The following KIRREL2 variants were observed in gnomAD, a reference collection of about 807,000 sequenced individuals.
KIRREL2 encodes kirre like nephrin family adhesion molecule 2.
A neutral mutation model predicts 73.4 loss-of-function variants in KIRREL2; 56 were observed. The observed-to-expected ratio is 0.76, with a 90% CI of 0.62 to 0.95. KIRREL2 has a LOEUF of 0.95. Among genes scored for constraint, KIRREL2 ranks in the 40% least tolerant of loss-of-function variants. KIRREL2 has a pLI of 0.00. For missense variants in KIRREL2, 896 were observed against 935.0 expected (o/e 0.96, Z 0.54); for synonymous variants, 407 against 404.0 (o/e 1.01, Z -0.09).
upstream of KIRREL2, among the ~76,000 whole-genome samples, chr19:35,853,966 T>G (rs1973346311): frequency 6.7e-6 from 1 of 149,910 alleles, no homozygotes; most frequent in East Asian, 2.0e-4. Context: ...TGCCTCAGCC[T>G]CCTGAGTAGC....
chr19:35,861,577 C>A lies in KIRREL2; in HGVS notation c.1226C>A (p.Ala409Asp). 6.2e-7 allele frequency: 1 copy of A among 1,613,788 alleles called. No homozygotes were observed. The highest frequency in any genetic ancestry group is 8.5e-7 in the Non-Finnish European group (1 of 1,179,910). ...PVVTALHSAP[A>D]FLRGPARLQC... ...GTGACCGCCCTGCACTCTGCGCCTG[C>A]CTTCCTGAGGGGCCCTGCTCGCCTC... The change falls in exon 10 of 15, where the codon GCC becomes GAC. Residue 409 changes from alanine to aspartate, a missense_variant. Coordinates refer to ENST00000360202, the MANE Select transcript of KIRREL2 (RefSeq NM_199180.4).
intron 5 of KIRREL2, among the ~76,000 whole-genome samples, chr19:35,859,924 A>C (rs1316423821): frequency 6.6e-6 from 1 of 152,188 alleles, no homozygotes; most frequent in Non-Finnish European, 1.5e-5. Context: ...ACACACTTGT[A>C]ATTCCAGCTA....
At position 35,866,889 on chromosome 19, in the gene KIRREL2, G is replaced by A; in HGVS notation, c.*397G>A. 3.7e-6 allele frequency: 1 copy of A among 269,988 alleles called. No individual in the cohort carries two copies. The highest frequency in any genetic ancestry group is 4.9e-5 in the South Asian group (1 of 20,292). The allele number at this position is 269,988 out of a possible 1,614,324, so 16.7% of individuals were successfully genotyped here. A position where few individuals can be genotyped will look rare whatever the true frequency, so the allele number is the denominator to read the frequency against. ...AAGGTAGCATAGGATAGATGAAGAT[G>A]AAGAGCATACCAGGCCCCACCCTGG... On this transcript the variant is annotated 3_prime_UTR_variant, in exon 15 of 15. Coordinates refer to ENST00000360202, the MANE Select transcript of KIRREL2 (RefSeq NM_199180.4).
rs200660489 is a variant in KIRREL2, at chr19:35,862,914, C to G, written c.1616-13C>G. On this transcript the variant is annotated splice_polypyrimidine_tract_variant and intron_variant, in intron 12 of 14. Coordinates refer to ENST00000360202, the MANE Select transcript of KIRREL2 (RefSeq NM_199180.4). ...CCGCCCATCGCTTAACTCCACCGGT[C>G]GCTGTTTGTCAGCCTCAGCCTCTTT... The G allele has an allele frequency of 1.3e-6, 2 of 1,515,304 alleles. No homozygotes were observed. Among genetic ancestry groups the G allele is most frequent in the Non-Finnish European group, 1.8e-6 (2 of 1,112,118 alleles). 93.9% of individuals were successfully genotyped at this position (1,515,304 alleles called of 1,614,324 possible). A position where few individuals can be genotyped will look rare whatever the true frequency, so the allele number is the denominator to read the frequency against.
chr19:35,866,116 G>C, intron 14 of KIRREL2, 41 bp from the exon 15 acceptor site: 1 of 1,575,946 alleles, frequency 6.3e-7, no homozygotes, highest in Non-Finnish European at 8.6e-7. Flanking sequence ...CATCCCCCCT[G>C]CACGCTCACA....
intron 1 of KIRREL2, 26 bp downstream of exon 1, chr19:35,857,206 T>C (rs1568461038): frequency 6.3e-7 from 1 of 1,580,102 alleles, no homozygotes; most frequent in Non-Finnish European, 8.6e-7. Context: ...AGCGGAGGAA[T>C]ATGGGGTGGG....
intron 5 of KIRREL2, 83 bp downstream of exon 5, chr19:35,859,714 G>A: frequency 2.0e-6 from 3 of 1,506,954 alleles, no homozygotes; most frequent in South Asian, 1.2e-5. Flanking sequence ...GGCCCTTGGG[G>A]AATGAGGAAA....
chr19:35,860,314 C>G lies in KIRREL2; in HGVS notation c.691C>G (p.Leu231Val). The change falls in exon 6 of 15, where the codon CTG (leucine) becomes GTG (valine). Residue 231 changes from leucine to valine, a missense_variant. Transcript: ENST00000360202. ...LSLQYPPEVT[L>V]SASPHTVQEG... ...CCTCACAGACCCCCCAGAGGTGACT[C>G]TGTCTGCTTCGCCACACACTGTGCA... 1.6e-5 allele frequency: 26 copies of G among 1,614,072 alleles called. No homozygotes were observed. Among genetic ancestry groups the G allele is most frequent in the Non-Finnish European group, 2.2e-5 (26 of 1,180,010 alleles).
chr19:35,856,243 C>G (rs1256184192), upstream of KIRREL2, among the ~76,000 whole-genome samples: 1 of 152,190 alleles, frequency 6.6e-6, no homozygotes, highest in Non-Finnish European at 1.5e-5. This position sits in a 1 kb window ranked among gnomAD's most constrained non-coding sequence, Gnocchi z 5.9. Context: ...GGCCCGGCAC[C>G]GCCGCCTCCC....
upstream of KIRREL2, chr19:35,851,746 T>G (rs186895051): frequency 1.0e-5 from 16 of 1,557,642 alleles, no homozygotes; most frequent in East Asian, 4.8e-5. Context: ...TGGGGGCCAC[T>G]TGGCGCTGGG....
upstream of KIRREL2, chr19:35,851,840 C>T (rs1039683723): frequency 6.7e-5 from 104 of 1,551,020 alleles, no homozygotes; most frequent in Non-Finnish European, 8.8e-5. Context: ...AGGGCCATCA[C>T]AGGTCCCCCT....
intron 3 of KIRREL2, 61 bp from the exon 4 acceptor site, chr19:35,858,643 G>A (rs1350948342): frequency 3.1e-6 from 5 of 1,608,520 alleles, no homozygotes; most frequent in Admixed American, 3.3e-5. Context: ...GAGCCCAGGG[G>A]CATGGTCAAT....
rs1286538784 is a variant in KIRREL2, at chr19:35,858,334, G to T, written c.212-74G>T. ...TGTGTGGGCCAGTTTTCTGGTGGAG[G>T]ATGTCTGGGGATGGAGGCCTGAGGC... On this transcript the variant is annotated intron_variant, in intron 2 of 14. Transcript: ENST00000360202. The T allele has an allele frequency of 4.5e-6, 7 of 1,544,010 alleles. No individual in the cohort carries two copies. The Admixed American group carries it at 1.0e-4, about 23-fold the overall frequency.
In KIRREL2 at chr19:35,860,503, GCCA is replaced by G. The variant is rs1568463796; in HGVS notation, c.780-12_780-10del. ...GAGAGGCCAGGACAACGTTAACAGC[GCCA>G]CCATTTCCTCAGGTGGGCAAAAGGG... On this transcript the variant is annotated splice_polypyrimidine_tract_variant and intron_variant, in intron 6 of 14. Transcript: ENST00000360202. The G allele has an allele frequency of 2.5e-6, 4 of 1,602,566 alleles. 1 individual carries two copies. The South Asian group carries it at 4.4e-5, about 18-fold the overall frequency.
At chr19:35,851,941 CTTTTT>C (rs977779487), upstream of KIRREL2, 11 of 941,402 alleles carry the variant, frequency 1.2e-5, no homozygotes, top group African/African-American at 4.9e-5. Context: ...ACCTGCTTTT[CTTTTT>C]TATCTCTTTC....
chr19:35,860,202 A>G lies in KIRREL2; in HGVS notation c.674-95A>G. The stretch of plus-strand genomic sequence containing the variant: ...AGGGAGAAGGGGATTAGGGGCCCAG[A>G]CTCCTGGGATGGAGGAACCAGGGAC... On this transcript the variant is annotated intron_variant, in intron 5 of 14. Transcript: ENST00000360202. The G allele has an allele frequency of 1.5e-5, 15 of 982,778 alleles. 2 individuals carry two copies. The South Asian group carries it at 2.3e-4, about 15-fold the overall frequency. 60.9% of individuals were successfully genotyped at this position (982,778 alleles called of 1,614,324 possible).
At chr19:35,852,600 C>T (rs1973299084), upstream of KIRREL2, among the ~76,000 whole-genome samples, 1 of 152,014 alleles carries the variant, frequency 6.6e-6, no homozygotes, top group African/African-American at 2.4e-5. Flanking sequence ...CATAAAATCC[C>T]CTGTCAGCAC....
chr19:35,858,624 G>C, intron 3 of KIRREL2, 67 bp downstream of exon 3: 2 of 1,607,906 alleles, frequency 1.2e-6, no homozygotes, highest in South Asian at 2.2e-5. Flanking sequence ...GTGAGTAGCA[G>C]AGCCCAGGGA....
Position 35,862,543 on chromosome 19 carries a change from A to G in KIRREL2, c.1561A>G (p.Thr521Ala), listed in dbSNP as rs569011584. The G allele has an allele frequency of 4.7e-5, 76 of 1,610,126 alleles. 1 individual carries two copies. The highest frequency in any genetic ancestry group is 4.0e-4 in the South Asian group (36 of 91,054). Residue 521 changes from threonine (T) to alanine (A), a missense_variant, in exon 12 of 15, where the codon ACT becomes GCT. Thr to Ala is a moderately conservative substitution (Grantham distance 58). Coordinates refer to ENST00000360202, the MANE Select transcript of KIRREL2 (RefSeq NM_199180.4). ...GGCCGGAGTGGCCGCTGCCACCACA[A>G]CTCTCCTTATGGTCATCACTGGGGT... ...IVAGVAAATT[T>A]LLMVITGVAL...
Sources: gnomAD v4.1 joint callset for allele counts (sites outside exome capture counted in the v4.1 genomes callset) on GRCh38, gnomAD v4.1.1 for gene constraint, Gnocchi (gnomAD v3.1) non-coding constraint, MANE v1.5 for transcripts, NCBI Gene and HGNC (gene_info 2026-07-23, HGNC 2026-07-21) for gene names.